The following OPRM1 variants were observed in gnomAD, a reference collection of about 807,000 sequenced individuals.
OPRM1 encodes mu-type opioid receptor.
A neutral mutation model predicts 31.8 loss-of-function variants in OPRM1; 27 were observed. That is an observed-to-expected ratio of 0.85 (90% CI 0.63 to 1.17). OPRM1 has a LOEUF of 1.17. OPRM1 is among the 50% of genes most tolerant of loss of function. The pLI, the probability that OPRM1 is intolerant of heterozygous loss-of-function variation, is 0.00. For missense variants in OPRM1, 536 were observed against 511.1 expected (o/e 1.05, Z -0.47); for synonymous variants, 196 against 189.9 (o/e 1.03, Z -0.26).
chr6:154,137,025 T>C (rs1179815191), downstream of OPRM1, among the ~76,000 whole-genome samples: 1 of 152,228 alleles, frequency 6.6e-6, no homozygotes, highest in Non-Finnish European at 1.5e-5. Flanking sequence ...ATCTTTATGA[T>C]CTCATTTAAT....
chr6:154,200,008 G>T (rs1169709697), intron 3 of OPRM1: 3 of 1,613,824 alleles, frequency 1.9e-6, no homozygotes, highest in Non-Finnish European at 2.5e-6. Flanking sequence ...TTCCACTCAG[G>T]CTGGGTGAGG....
intron 3 of OPRM1, among the ~76,000 whole-genome samples, chr6:154,235,944 G>C (rs1161922466): frequency 6.6e-6 from 1 of 152,188 alleles, no homozygotes; most frequent in East Asian, 1.9e-4. Context: ...TTGTGTTCCA[G>C]TTCTATGGTT....
intron 1 of OPRM1, among the ~76,000 whole-genome samples, chr6:154,066,704 A>C (rs1023123923): frequency 1.4e-4 from 21 of 152,278 alleles, no homozygotes; most frequent in African/African-American, 5.1e-4. Flanking sequence ...CTTTAAGCAA[A>C]GAGGAAAGAT....
At chr6:154,152,444 T>C (rs1798564389) in intron 3 of OPRM1, among the ~76,000 whole-genome samples, 1 of 152,036 alleles carries the variant, frequency 6.6e-6, no homozygotes, top group Admixed American at 6.5e-5. Flanking sequence ...TGAAATTCTG[T>C]ATTTATCCAT....
In OPRM1 at chr6:154,129,003, A is replaced by G. The variant is rs1423801162; in HGVS notation, c.*10282A>G. Among the ~76,000 whole-genome samples the G allele has an allele frequency of 1.3e-5, 2 of 152,110 alleles. No homozygotes were observed. The highest frequency in any genetic ancestry group is 2.9e-5 in the Non-Finnish European group (2 of 68,030). On this transcript the variant is annotated 3_prime_UTR_variant, in exon 4 of 4. Coordinates refer to ENST00000330432, the MANE Select transcript of OPRM1 (RefSeq NM_000914.5). ...TTTATTAATATTTTGAAGTATAGGA[A>G]CCTCATGGTGTAGCAGGATGAGCCA...
At chr6:154,100,026 T>TATATTATCATATGA (rs1435605811) in intron 3 of OPRM1, among the ~76,000 whole-genome samples, 1 of 99,130 alleles carries the variant, frequency 1.0e-5, no homozygotes, top group Non-Finnish European at 2.1e-5. Flanking sequence ...TCATAACATA[T>TATATTATCATATGA]TATATATTAT....
chr6:154,175,749 A>G (rs913052884), intron 3 of OPRM1, among the ~76,000 whole-genome samples: 1 of 152,210 alleles, frequency 6.6e-6, no homozygotes, highest in Non-Finnish European at 1.5e-5. Context: ...AGGTACAAAG[A>G]GGAGCTGGTA....
intron 3 of OPRM1, among the ~76,000 whole-genome samples, chr6:154,178,904 C>G (rs1448610049): frequency 2.0e-5 from 3 of 152,170 alleles, no homozygotes; most frequent in African/African-American, 7.2e-5. Context: ...GAATCATCCA[C>G]AAGCATAAAA....
rs1296299562 is a variant in OPRM1 at position 154,126,094 on chromosome 6, G to A, written c.*7373G>A. ...TGGGATTACAGGCGTGAGCCACCGC[G>A]CCCGGCCCGGCTAGACATTTTTTGA... On this transcript the variant is annotated 3_prime_UTR_variant, in exon 4 of 4. Coordinates refer to ENST00000330432, the MANE Select transcript of OPRM1 (RefSeq NM_000914.5). Among the ~76,000 whole-genome samples, 45 of 151,166 alleles carry A rather than the reference G, an allele frequency of 3.0e-4. 21 individuals are homozygous for A. Among genetic ancestry groups the A allele is most frequent in the Admixed American group, 2.2e-3 (34 of 15,148 alleles).
intron 3 of OPRM1, among the ~76,000 whole-genome samples, chr6:154,098,561 C>T (rs906961662): frequency 6.6e-6 from 1 of 152,128 alleles, no homozygotes; most frequent in African/African-American, 2.4e-5. Context: ...TTACTTCTAC[C>T]TCTATGATTT....
chr6:154,141,658 A>G (rs973787795), intron 3 of OPRM1, among the ~76,000 whole-genome samples: 5 of 152,246 alleles, frequency 3.3e-5, no homozygotes. Context: ...TAAGATGAAC[A>G]TTGGTTCAGT....
intron 3 of OPRM1, among the ~76,000 whole-genome samples, chr6:154,165,683 C>T (rs1209677743): frequency 6.6e-6 from 1 of 152,208 alleles, no homozygotes; most frequent in Non-Finnish European, 1.5e-5. Flanking sequence ...TATTCAAGGC[C>T]TTGTGTAATC....
intron 3 of OPRM1, among the ~76,000 whole-genome samples, chr6:154,106,303 A>G (rs925336074): frequency 2.6e-5 from 4 of 152,326 alleles, no homozygotes; most frequent in East Asian, 1.9e-4. Flanking sequence ...AGCAACTTCT[A>G]TTTTTGATGA....
chr6:154,019,747 CTT>C (rs373120574), intron 1 of OPRM1, among the ~76,000 whole-genome samples: 13 of 121,972 alleles, frequency 1.1e-4, no homozygotes, highest in South Asian at 2.7e-4. Context: ...CTTTTCTTTT[CTT>C]TTTTTTTTTT....
intron 3 of OPRM1, among the ~76,000 whole-genome samples, chr6:154,201,062 A>T (rs1463873700): frequency 6.6e-6 from 1 of 151,414 alleles, no homozygotes; most frequent in Admixed American, 6.6e-5. Context: ...CACCTCACTC[A>T]CTCTTTCTGC....
At position 154,146,225 on chromosome 6, in the gene OPRM1, C is replaced by T. The variant is rs1220802790; in HGVS notation, c.1164+54753C>T. Among the ~76,000 whole-genome samples, 4 of 152,314 alleles carry T rather than the reference C, an allele frequency of 2.6e-5. No homozygotes were observed. The East Asian group carries it at 7.7e-4, about 29-fold the overall frequency. ...GACCAGCCTGGCTAACATGGTGAAACCCCATCTCTATTAAATATACAAAAA... is the reference window on the plus strand; with the variant it reads ...GACCAGCCTGGCTAACATGGTGAAATCCCATCTCTATTAAATATACAAAAA... On this transcript the variant is annotated intron_variant, in intron 3 of 3. Transcript: ENST00000337049.
chr6:154,126,786 G>A lies in OPRM1; in HGVS notation c.*8065G>A, dbSNP rs1583631476. 6.6e-6 allele frequency among the ~76,000 whole-genome samples: 1 copy of A among 152,126 alleles called. No homozygotes were observed. Among genetic ancestry groups the A allele is most frequent in the East Asian group, 1.9e-4 (1 of 5,184 alleles). On this transcript the variant is annotated 3_prime_UTR_variant, in exon 4 of 4. Coordinates refer to ENST00000330432, the MANE Select transcript of OPRM1 (RefSeq NM_000914.5). ...CAGAGGTAAACATGTGGGTCCTGCT[G>A]GTGACATATTAGACTTCTTACTTTC... is the stretch of plus-strand genomic sequence containing the variant.
Position 154,141,560 on chromosome 6 carries a change from G to T in OPRM1, c.1164+50088G>T, listed in dbSNP as rs890947771. Among the ~76,000 whole-genome samples, 4 of 152,330 alleles carry T rather than the reference G, an allele frequency of 2.6e-5. No individual in the cohort carries two copies. The South Asian group carries it at 8.3e-4, about 32-fold the overall frequency. ...ATGTGCAGCTGTGACACAGCCTCAG[G>T]AGGTCCTGACGACATGTGCCCAAGG... On this transcript the variant is annotated intron_variant, in intron 3 of 3. Transcript: ENST00000337049.
At chr6:154,015,597 A>G (rs1392598707) in intron 1 of OPRM1, among the ~76,000 whole-genome samples, 1 of 152,102 alleles carries the variant, frequency 6.6e-6, no homozygotes, top group Non-Finnish European at 1.5e-5. Flanking sequence ...GAGAGTGGGA[A>G]AACTGCCACG....
Sources: gnomAD v4.1 joint callset for allele counts (sites outside exome capture counted in the v4.1 genomes callset) on GRCh38, gnomAD v4.1.1 for gene constraint, MANE v1.5 for transcripts, NCBI Gene and HGNC (gene_info 2026-07-23, HGNC 2026-07-21) for gene names.